Variants in ZNF565 observed in about 807,000 individuals in gnomAD.
ZNF565 encodes zinc finger protein 565.
Under a neutral mutation model 39.4 loss-of-function variants are expected in ZNF565, and 27 were observed. The ratio of observed to expected loss-of-function variants is 0.69; its 90% CI spans 0.51 to 0.95. The LOEUF is 0.95. ZNF565 is among the 40% of genes least tolerant of loss of function. ZNF565 has a pLI of 0.00. For missense variants in ZNF565, 524 were observed against 621.1 expected (o/e 0.84, Z 1.66); for synonymous variants, 185 against 216.6 (o/e 0.85, Z 1.28).
At chr19:36,204,804 A>G (rs757144889) in intron 1 of ZNF565, among the ~76,000 whole-genome samples, 2 of 151,972 alleles carry the variant, frequency 1.3e-5, no homozygotes, top group Non-Finnish European at 2.9e-5. Context: ...AGCCTGGCCA[A>G]CATGGTGAAA....
At chr19:36,222,305 C>T (rs934362688) in intron 1 of ZNF565, among the ~76,000 whole-genome samples, 4 of 152,144 alleles carry the variant, frequency 2.6e-5, no homozygotes, top group Non-Finnish European at 5.9e-5. Flanking sequence ...TATTTGGATG[C>T]ACCATGGTTG....
In ZNF565 at chr19:36,245,651, G is replaced by A; in HGVS notation, c.-121C>T. ...CTGCCCGAATTGGTGCTTTGGCAGA[G>A]TCTCTGGTGCCCGGGTGAATGGGTT... On this transcript the variant is annotated 5_prime_UTR_variant, in exon 1 of 5. Coordinates refer to the ZNF565 transcript ENST00000355114. The surrounding 1 kb of genome is among the most constrained non-coding windows in gnomAD (Gnocchi z 4.4). 1 of 687,926 alleles carries A rather than the reference G, an allele frequency of 1.5e-6. No individual in the cohort carries two copies. Among genetic ancestry groups the A allele is most frequent in the Non-Finnish European group, 2.7e-6 (1 of 376,718 alleles). 42.6% of individuals were successfully genotyped at this position (687,926 alleles called of 1,614,324 possible).
chr19:36,208,561 T>G (rs1368265354), intron 1 of ZNF565, among the ~76,000 whole-genome samples: 1 of 152,100 alleles, frequency 6.6e-6, no homozygotes, highest in Admixed American at 6.6e-5. Flanking sequence ...CAAAACTTTG[T>G]ACAAATCCTT....
chr19:36,204,817 C>T (rs1044014416), intron 1 of ZNF565, among the ~76,000 whole-genome samples: 1 of 150,106 alleles, frequency 6.7e-6, no homozygotes, highest in African/African-American at 2.5e-5. Flanking sequence ...TGGTGAAACC[C>T]TGTCTCTACT....
Position 36,211,001 on chromosome 19 carries a change from C to CAA in ZNF565, c.-66+3619_-66+3620dup, listed in dbSNP as rs58262673. 1.2e-3 allele frequency among the ~76,000 whole-genome samples: 147 copies of CAA among 122,502 alleles called. No individual in the cohort carries two copies. The East Asian group carries it at 0.021, about 18-fold the overall frequency. 80.4% of individuals were successfully genotyped at this position (122,502 alleles called of 152,430 possible). A position where few individuals can be genotyped will look rare whatever the true frequency, so the allele number is the denominator to read the frequency against. The stretch of plus-strand genomic sequence containing the variant: ...GTGGCCAAATGTGTGATAATTTGAG[C>CAA]AAAAAAAAAAAATGATAGCAATGAA... On this transcript the variant is annotated intron_variant, in intron 1 of 4. Coordinates refer to ENST00000304116, the MANE Select transcript of ZNF565 (RefSeq NM_152477.5).
chr19:36,240,881 A>AG (rs921983740), intron 1 of ZNF565, among the ~76,000 whole-genome samples: 7 of 152,088 alleles, frequency 4.6e-5, no homozygotes, highest in Non-Finnish European at 1.0e-4. Context: ...AAAAAAAAAA[A>AG]AAAGATGTCC....
chr19:36,242,295 A>C (rs1250626850), intron 1 of ZNF565, among the ~76,000 whole-genome samples: 2 of 152,072 alleles, frequency 1.3e-5, no homozygotes, highest in Non-Finnish European at 2.9e-5. Flanking sequence ...CTGTAGTCTC[A>C]GCTACTTGGG....
chr19:36,234,660 G>T (rs535121160), intron 1 of ZNF565, among the ~76,000 whole-genome samples: 1 of 152,122 alleles, frequency 6.6e-6, no homozygotes, highest in Non-Finnish European at 1.5e-5. Flanking sequence ...GCCTCCCAAC[G>T]TGCTGGGATT....
At chr19:36,232,160 A>T (rs1214231213) in intron 1 of ZNF565, among the ~76,000 whole-genome samples, 2 of 148,158 alleles carry the variant, frequency 1.3e-5, no homozygotes, top group African/African-American at 5.0e-5. Flanking sequence ...CTGAGACTGC[A>T]CTCCGGCCTG....
intron 1 of ZNF565, among the ~76,000 whole-genome samples, chr19:36,223,657 G>A (rs1386775675): frequency 8.0e-5 from 11 of 136,814 alleles, no homozygotes; most frequent in African/African-American, 2.8e-4. Flanking sequence ...GCCACCGCGC[G>A]TGGCTGATTC....
chr19:36,227,101 T>G (rs1330731436), intron 1 of ZNF565, among the ~76,000 whole-genome samples: 4 of 140,494 alleles, frequency 2.8e-5, no homozygotes, highest in Admixed American at 2.8e-4. Context: ...AAAAAATTTT[T>G]TTTTTGGCTG....
At chr19:36,221,934 T>TC (rs1367439047) in intron 1 of ZNF565, among the ~76,000 whole-genome samples, 1 of 127,572 alleles carries the variant, frequency 7.8e-6, no homozygotes, top group Non-Finnish European at 1.8e-5. Flanking sequence ...TTTCTTTTTT[T>TC]TTTTTTTTTT....
chr19:36,237,457 C>A, intron 1 of ZNF565: 1 of 1,082,500 alleles, frequency 9.2e-7, no homozygotes. Context: ...TAAGGGACAC[C>A]AGAAAATTTG....
chr19:36,232,956 T>C (rs1377441516), intron 1 of ZNF565, among the ~76,000 whole-genome samples: 2 of 152,250 alleles, frequency 1.3e-5, no homozygotes, highest in African/African-American at 4.8e-5. Flanking sequence ...GAATCTCTTA[T>C]GTACCCCCCA....
chr19:36,233,361 G>C (rs1266028762), intron 1 of ZNF565, among the ~76,000 whole-genome samples: 5 of 152,312 alleles, frequency 3.3e-5, no homozygotes, highest in African/African-American at 1.2e-4. Flanking sequence ...GCCTGAAGGG[G>C]TGGGTTTCCC....
At chr19:36,194,746 C>T in intron 3 of ZNF565, 1 of 544,412 alleles carries the variant, frequency 1.8e-6, no homozygotes, top group Non-Finnish European at 3.3e-6. Flanking sequence ...CCTATGGCTT[C>T]TCATTGGCTT....
intron 4 of ZNF565, among the ~76,000 whole-genome samples, chr19:36,186,753 A>T (rs1975314626): frequency 6.6e-6 from 1 of 152,038 alleles, no homozygotes; most frequent in Admixed American, 6.6e-5. Context: ...GTGCCACTGC[A>T]CTCCAGCCTG....
In ZNF565 at chr19:36,214,345, C is replaced by G. The variant is rs10415155; in HGVS notation, c.-66+277G>C. Among the ~76,000 whole-genome samples, 1,065 of 152,104 alleles carry G rather than the reference C, an allele frequency of 7.0e-3. 9 individuals are homozygous for G. The highest frequency in any genetic ancestry group is 0.024 in the African/African-American group (986 of 41,490). On this transcript the variant is annotated intron_variant, in intron 1 of 4. Coordinates refer to ENST00000304116, the MANE Select transcript of ZNF565 (RefSeq NM_152477.5). The stretch of plus-strand genomic sequence containing the variant: ...CTGTACTCACACCCCAGGAACAGGG[C>G]GAACAGGCCACATATACAACGGGGA...
intron 1 of ZNF565, among the ~76,000 whole-genome samples, chr19:36,225,017 G>T (rs1977009276): frequency 2.0e-5 from 3 of 152,068 alleles, no homozygotes; most frequent in Admixed American, 2.0e-4. Flanking sequence ...GAGGCAGTAG[G>T]CATCCTTGTC....
Sources: allele counts gnomAD v4.1 joint callset (sites outside exome capture counted in the v4.1 genomes callset), GRCh38; gene constraint gnomAD v4.1.1; non-coding constraint Gnocchi (gnomAD v3.1); transcripts MANE v1.5; gene names NCBI Gene and HGNC (gene_info 2026-07-23, HGNC 2026-07-21).